Variants in SUCLG1 observed in about 807,000 individuals in gnomAD.
SUCLG1 encodes succinate-CoA ligase GDP/ADP-forming subunit alpha, also known as succinate--CoA ligase [ADP/GDP-forming] subunit alpha, mitochondrial.
Under a neutral mutation model 37.3 loss-of-function variants are expected in SUCLG1, and 26 were observed. The ratio of observed to expected loss-of-function variants is 0.70; its 90% CI spans 0.51 to 0.97. The LOEUF (loss-of-function observed/expected upper bound fraction) is 0.97, where lower values mean the gene tolerates loss of function less well. Among genes scored for constraint, SUCLG1 ranks in the 50% least tolerant of loss-of-function variants. The pLI is 0.00. For synonymous variants in SUCLG1, 163 were observed against 155.6 expected (o/e 1.05, Z -0.36); for missense variants, 433 against 432.9 (o/e 1.00, Z 0.00).
At chr2:84,432,777 GC>G (rs1672630248) in intron 6 of SUCLG1, 1 of 152,178 alleles carries the variant, frequency 6.6e-6, no homozygotes. Flanking sequence ...ATTTGCCTTG[GC>G]TTTTGGCAAC....
intron 7 of SUCLG1, among the ~76,000 whole-genome samples, chr2:84,427,352 C>G (rs1573362431): frequency 6.6e-6 from 1 of 152,358 alleles, no homozygotes; most frequent in East Asian, 1.9e-4. Context: ...AGTGAACTTT[C>G]TGTCCCTTGT....
intron 7 of SUCLG1, chr2:84,425,941 A>T: frequency 2.8e-6 from 1 of 352,292 alleles, no homozygotes; most frequent in Non-Finnish European, 5.4e-6. Flanking sequence ...TTAAGACACA[A>T]GACTGGGTTG....
rs146814821 is a variant in SUCLG1 at position 84,441,012 on chromosome 2, G to A, written c.589+35C>T. On this transcript the variant is annotated intron_variant, in intron 5 of 8. Coordinates refer to ENST00000393868, the MANE Select transcript of SUCLG1 (RefSeq NM_003849.4). ...GTTTTGAGGGTTTAAGGCAAATAACGTTTTAATCTATAAGAATGTAACAAA... is the reference window on the plus strand; with the variant it reads ...GTTTTGAGGGTTTAAGGCAAATAACATTTTAATCTATAAGAATGTAACAAA... 22 of 1,605,176 alleles carry A rather than the reference G, an allele frequency of 1.4e-5. No individual in the cohort carries two copies. The African/African-American group carries it at 1.9e-4, about 14-fold the overall frequency.
chr2:84,428,588 A>C (rs1000221655), intron 7 of SUCLG1, among the ~76,000 whole-genome samples: 1 of 152,246 alleles, frequency 6.6e-6, no homozygotes, highest in Admixed American at 6.5e-5. Flanking sequence ...ACTAGAAAGG[A>C]TCAAGACTTT....
intron 5 of SUCLG1, among the ~76,000 whole-genome samples, chr2:84,439,970 G>C (rs1403914859): frequency 6.6e-6 from 1 of 152,180 alleles, no homozygotes; most frequent in Non-Finnish European, 1.5e-5. Context: ...TATTGAGCAG[G>C]TATGTGAATG....
intron 6 of SUCLG1, chr2:84,433,124 C>T (rs1672634067): frequency 6.9e-6 from 4 of 580,248 alleles, no homozygotes; most frequent in South Asian, 4.2e-5. Flanking sequence ...TCGGGAGCCA[C>T]GTGTTCCAAG....
intron 3 of SUCLG1, among the ~76,000 whole-genome samples, chr2:84,442,352 G>A (rs1435097805): frequency 6.6e-6 from 1 of 152,104 alleles, no homozygotes; most frequent in African/African-American, 2.4e-5. Context: ...TTAAAAATAT[G>A]CAAAAGAAGA....
rs536604250 is a variant in SUCLG1, at chr2:84,442,325, A to G, written c.319-866T>C. ...TTAAATTTGTGCTTTAAAAAATGTA[A>G]TGCTTTAAAACATACCTTAAAAATA... On this transcript the variant is annotated intron_variant, in intron 3 of 8. Coordinates refer to ENST00000393868, the MANE Select transcript of SUCLG1 (RefSeq NM_003849.4). Among the ~76,000 whole-genome samples, 108 of 152,302 alleles carry G rather than the reference A, an allele frequency of 7.1e-4. 1 individual carries two copies. The highest frequency in any genetic ancestry group is 2.5e-3 in the African/African-American group (104 of 41,576).
At chr2:84,457,975 CACTTTCAGAATGTAATCTT>C (rs1673051309) in intron 1 of SUCLG1, among the ~76,000 whole-genome samples, 1 of 151,960 alleles carries the variant, frequency 6.6e-6, no homozygotes, top group South Asian at 2.1e-4. Flanking sequence ...CATCAATGTA[CACTTTCAGAATGTAATCTT>C]CTCAAGAAAG....
intron 1 of SUCLG1, 116 bp downstream of exon 1, chr2:84,459,057 C>G (rs111718812): frequency 2.7e-6 from 3 of 1,097,470 alleles, no homozygotes; most frequent in Admixed American, 6.0e-5. Flanking sequence ...CAAGCGGCTC[C>G]CAGGCCCCCG....
At chr2:84,427,897 A>C (rs1672557930) in intron 7 of SUCLG1, among the ~76,000 whole-genome samples, 1 of 152,198 alleles carries the variant, frequency 6.6e-6, no homozygotes, top group Non-Finnish European at 1.5e-5. Context: ...TGCTTCATCA[A>C]GGACACTCAT....
chr2:84,437,015 T>C (rs1037073993), intron 5 of SUCLG1, among the ~76,000 whole-genome samples: 1 of 152,210 alleles, frequency 6.6e-6, no homozygotes, highest in Non-Finnish European at 1.5e-5. Context: ...CCCTAATGCA[T>C]AACAAATGAC....
intron 5 of SUCLG1, among the ~76,000 whole-genome samples, chr2:84,435,975 C>A (rs1451649573): frequency 6.6e-6 from 1 of 152,176 alleles, no homozygotes; most frequent in Non-Finnish European, 1.5e-5. Flanking sequence ...CTACTTAACC[C>A]TTGTTGTGCA....
At chr2:84,426,024 A>G (rs1273935456) in intron 7 of SUCLG1, 1 of 267,588 alleles carries the variant, frequency 3.7e-6, no homozygotes, top group Non-Finnish European at 7.2e-6. Flanking sequence ...AAAGAAAAAG[A>G]TGAGGTGGGA....
Position 84,449,670 on chromosome 2 carries a change from G to A in SUCLG1, c.180C>T (p.Cys60=). ...LYVDKNTKII[C]QGFTGKQGTF... is the part of the protein sequence containing the mutation. ...ATACCTGTTTGCCAGTGAAACCCTG[G>A]CAAATAATCTTTGTATTTTTATCAA... Residue 60 remains cysteine (C), a synonymous_variant, in exon 2 of 9, where the codon TGC becomes TGT. Coordinates refer to ENST00000393868, the MANE Select transcript of SUCLG1 (RefSeq NM_003849.4). The A allele has an allele frequency of 6.3e-7, 1 of 1,598,652 alleles. No homozygotes were observed. Among genetic ancestry groups the A allele is most frequent in the Non-Finnish European group, 8.5e-7 (1 of 1,173,424 alleles).
chr2:84,423,833 C>A, intron 8 of SUCLG1, 61 bp from the exon 9 acceptor site: 2 of 1,514,390 alleles, frequency 1.3e-6, no homozygotes, highest in South Asian at 2.3e-5. Flanking sequence ...AGATCCAAAT[C>A]ACATTTAGGA....
rs777356224 is a variant in SUCLG1 at position 84,433,437 on chromosome 2, T to C, written c.590-2A>G. On this transcript the variant is annotated splice_acceptor_variant, in intron 5 of 8. Coordinates refer to ENST00000393868, the MANE Select transcript of SUCLG1 (RefSeq NM_003849.4). LOFTEE classifies it high-confidence loss of function. ...GGGTGCCAGATCTGGACACAATGCC[T>C]TAACGAAAGAGAATTCAAAAATATT... 2.5e-6 allele frequency: 4 copies of C among 1,613,384 alleles called. No individual in the cohort carries two copies. The East Asian group carries it at 6.7e-5, about 27-fold the overall frequency.
intron 2 of SUCLG1, among the ~76,000 whole-genome samples, chr2:84,449,112 T>C (rs1308541850): frequency 6.6e-6 from 1 of 152,130 alleles, no homozygotes; most frequent in African/African-American, 2.4e-5. Context: ...ATTAAAACAC[T>C]TCAGGCAATT....
intron 5 of SUCLG1, among the ~76,000 whole-genome samples, chr2:84,437,394 G>A (rs1298450978): frequency 6.6e-6 from 1 of 152,100 alleles, no homozygotes; most frequent in African/African-American, 2.4e-5. Flanking sequence ...CACTGAAAAA[G>A]ATAACAAATG....
Sources: gnomAD v4.1 joint callset for allele counts (sites outside exome capture counted in the v4.1 genomes callset) on GRCh38, gnomAD v4.1.1 for gene constraint, MANE v1.5 for transcripts, NCBI Gene and HGNC (gene_info 2026-07-23, HGNC 2026-07-21) for gene names.